Variants in PFAS observed in about 807,000 individuals in gnomAD.
PFAS encodes FGAM synthase.
Under a neutral mutation model 140.6 loss-of-function variants are expected in PFAS, and 97 were observed. That is an observed-to-expected ratio of 0.69 (90% CI 0.59 to 0.82). The LOEUF (loss-of-function observed/expected upper bound fraction) is 0.82. Ranked by LOEUF, PFAS falls within the 40% of genes least tolerant of loss-of-function variation. The pLI is 0.00. For synonymous variants in PFAS, 679 were observed against 718.8 expected (o/e 0.94, Z 0.88); for missense variants, 1,656 against 1,780.2 (o/e 0.93, Z 1.26).
rs1273246324 is a variant in PFAS at position 8,253,891 on chromosome 17, T to C, written c.-47T>C. ...ATTCATCTCTCCAGCAAAGGACACA[T>C]CTCTCCAGCAAAGGACACCTCTCTC... On this transcript the variant is annotated 5_prime_UTR_variant, in exon 2 of 28. Transcript: ENST00000314666. The C allele has an allele frequency of 1.3e-6, 2 of 1,575,208 alleles. No homozygotes were observed. Among genetic ancestry groups the C allele is most frequent in the Non-Finnish European group, 1.7e-6 (2 of 1,158,504 alleles).
chr17:8,264,715 C>T, intron 17 of PFAS, 114 bp downstream of exon 17: 1 of 1,226,078 alleles, frequency 8.2e-7, no homozygotes, highest in Non-Finnish European at 1.1e-6. Flanking sequence ...CAGGAAGCAG[C>T]AGGGGCAGGG....
Position 8,263,887 on chromosome 17 carries a change from G to A in PFAS, c.1742G>A (p.Arg581His), listed in dbSNP as rs763921730. ...NRDFLTHVSARERCPACFVGT... is the reference protein window; with the variant it reads ...NRDFLTHVSAHERCPACFVGT... ...GACTTCCTGACTCATGTCAGTGCCCGTGAACGTTGCCCGGCTTGCTTCGTG... is the reference window on the plus strand; with the variant it reads ...GACTTCCTGACTCATGTCAGTGCCCATGAACGTTGCCCGGCTTGCTTCGTG... Residue 581 changes from arginine (R) to histidine (H), a missense_variant, in exon 15 of 28, where the codon CGT (arginine) becomes CAT (histidine). Physicochemically the swap from Arg to His is conservative, Grantham distance 29. This residue lies in a region of PFAS where 773 missense variants were observed against 757.3 expected (regional missense o/e 1.02). Transcript: ENST00000314666. 14 of 1,614,048 alleles carry A rather than the reference G, an allele frequency of 8.7e-6. No homozygotes were observed. Among genetic ancestry groups the A allele is most frequent in the Non-Finnish European group, 1.1e-5 (13 of 1,180,002 alleles).
intron 11 of PFAS, 148 bp downstream of exon 11, chr17:8,258,347 C>A: frequency 1.1e-6 from 1 of 886,238 alleles, no homozygotes; most frequent in Non-Finnish European, 1.7e-6. Context: ...ACAACTCATT[C>A]TGAGAAATGT....
Position 8,249,311 on chromosome 17 carries a change from T to C in PFAS, c.-108T>C, listed in dbSNP as rs982120254. On this transcript the variant is annotated 5_prime_UTR_variant, in exon 1 of 28. Transcript: ENST00000314666. ...AACAAACGCGCGCGACGATTCGAGG[T>C]GCTCTGTGGCCGCGAGTGCATCTTC... The C allele has an allele frequency of 6.6e-6, 1 of 152,092 alleles. No individual in the cohort carries two copies. The highest frequency in any genetic ancestry group is 2.4e-5 in the African/African-American group (1 of 41,404). 9.4% of individuals were successfully genotyped at this position (152,092 alleles called of 1,614,324 possible).
rs201596906 is a variant in PFAS, at chr17:8,256,515, T to C, written c.822-9T>C. 1.7e-4 allele frequency: 276 copies of C among 1,614,118 alleles called. 1 individual carries two copies. In the African/African-American group the frequency reaches 3.2e-3, roughly 19 times the overall value. ...AAGGAAGCAAGGTCCATGACGGGTATGTCCACAGTGCAATCCAGGGAAAGG... is the reference window on the plus strand; with the variant it reads ...AAGGAAGCAAGGTCCATGACGGGTACGTCCACAGTGCAATCCAGGGAAAGG... On this transcript the variant is annotated splice_polypyrimidine_tract_variant and intron_variant, in intron 7 of 27. Transcript: ENST00000314666.
At chr17:8,265,156 C>A (rs544254771) in intron 18 of PFAS, 31 bp downstream of exon 18, 3 of 1,581,772 alleles carry the variant, frequency 1.9e-6, no homozygotes, top group South Asian at 2.2e-5. Flanking sequence ...TATCCTGGAG[C>A]CCCCGGGCTT....
intron 1 of PFAS, 115 bp downstream of exon 1, chr17:8,249,454 C>T (rs553691315): frequency 6.6e-6 from 1 of 152,406 alleles, no homozygotes; most frequent in Admixed American, 6.5e-5. Flanking sequence ...GCTGTGTCTA[C>T]TTGGTGCCCG....
In PFAS at chr17:8,263,496, C is replaced by A. The variant is rs1597425738; in HGVS notation, c.1568-79C>A. On this transcript the variant is annotated intron_variant, in intron 13 of 27. Coordinates refer to ENST00000314666, the MANE Select transcript of PFAS (RefSeq NM_012393.3). ...ACACAGGAACACACCAAATTACAGG[C>A]CCCTTTGGAGGCCAGGGACTGCCCT... The A allele has an allele frequency of 3.2e-6, 4 of 1,252,880 alleles. No individual in the cohort carries two copies. The East Asian group carries it at 9.3e-5, about 29-fold the overall frequency. 77.6% of individuals were successfully genotyped at this position (1,252,880 alleles called of 1,614,324 possible). A position where few individuals can be genotyped will look rare whatever the true frequency, so the allele number is the denominator to read the frequency against.
upstream of PFAS, chr17:8,248,084 G>GTGGGGA (rs1323609431): frequency 3.7e-6 from 5 of 1,359,288 alleles, no homozygotes; most frequent in East Asian, 1.3e-4. Context: ...TCGCTTGGGG[G>GTGGGGA]TGGGGATGGG....
Position 8,263,113 on chromosome 17 carries a change from A to C in PFAS, c.1415A>C (p.Gln472Pro). The change falls in exon 13 of 28, where the codon CAG (glutamine) becomes CCG (proline). Residue 472 changes from glutamine (Q) to proline (P), a missense_variant. Physicochemically the swap from Gln to Pro is moderately conservative, Grantham distance 76. This residue lies in a region of PFAS where 773 missense variants were observed against 757.3 expected (regional missense o/e 1.02). Transcript: ENST00000314666. ...CTATGCCATATATGCCCCCAGGTGC[A>C]GGGAGATAACACCAGTGACCTGGAC... ...GGGAASSVQV[Q>P]GDNTSDLDFG... The C allele has an allele frequency of 1.2e-6, 2 of 1,613,950 alleles. No homozygotes were observed. Among genetic ancestry groups the C allele is most frequent in the Non-Finnish European group, 8.5e-7 (1 of 1,179,792 alleles).
In PFAS at chr17:8,266,622, C is replaced by T. The variant is rs145702810; in HGVS notation, c.2822-131C>T. ...TCCTGCCGTCCTAGCCCTCATCCTC[C>T]CTGATCCCTACCCTACTCTCTGGCT... On this transcript the variant is annotated intron_variant, in intron 22 of 27. Transcript: ENST00000314666. The surrounding 1 kb of genome is among the most constrained non-coding windows in gnomAD (Gnocchi z 5.0). 23 of 1,499,474 alleles carry T rather than the reference C, an allele frequency of 1.5e-5. No individual in the cohort carries two copies. Among genetic ancestry groups the T allele is most frequent in the Non-Finnish European group, 1.9e-5 (22 of 1,131,946 alleles). The allele number at this position is 1,499,474 out of a possible 1,614,324, so 92.9% of individuals were successfully genotyped here. A position where few individuals can be genotyped will look rare whatever the true frequency, so the allele number is the denominator to read the frequency against.
At chr17:8,254,914 A>G (rs979188445) in intron 3 of PFAS, 113 bp from the exon 4 acceptor site, 6 of 722,606 alleles carry the variant, frequency 8.3e-6, no homozygotes, top group East Asian at 7.7e-5. Context: ...CTGAAAGCCA[A>G]TGGTGAGGGG....
At position 8,265,301 on chromosome 17, in the gene PFAS, G is replaced by T. The variant is rs764033239; in HGVS notation, c.2294G>T (p.Ser765Ile). ...LVTDLRDVKC[S>I]GNWMWAAKLP... ...TGCCACCCCCAGGATGTGAAGTGTA[G>T]CGGGAACTGGATGTGGGCAGCCAAG... Residue 765 changes from serine to isoleucine, a missense_variant, in exon 19 of 28, where the codon AGC becomes ATC. Physicochemically the swap from Ser to Ile is moderately radical, Grantham distance 142. Coordinates refer to ENST00000314666, the MANE Select transcript of PFAS (RefSeq NM_012393.3). 1 of 1,613,854 alleles carries T rather than the reference G, an allele frequency of 6.2e-7. No individual in the cohort carries two copies. The highest frequency in any genetic ancestry group is 8.5e-7 in the Non-Finnish European group (1 of 1,179,876).
At chr17:8,262,773 A>G (rs4792700) in intron 11 of PFAS, 147 bp from the exon 12 acceptor site, 529,878 of 656,770 alleles carry the variant, frequency 0.81, 215,416 homozygotes, top group Non-Finnish European at 0.83. Context: ...TTCAGCCTGG[A>G]CAACAGAGCG....
chr17:8,256,554 A>G lies in PFAS; in HGVS notation c.852A>G (p.Leu284=). The part of the protein sequence containing the change: ...SAIQGKEVRF[L]RPEDPTRPSR... ...TCCAGGGAAAGGAAGTCCGATTCCT[A>G]CGGCCTGAGGACCCCACACGGCCAA... is the stretch of plus-strand genomic sequence containing the variant. Residue 284 remains leucine, a synonymous_variant, in exon 8 of 28, where the codon CTA becomes CTG. Coordinates refer to ENST00000314666, the MANE Select transcript of PFAS (RefSeq NM_012393.3). 1 of 1,614,144 alleles carries G rather than the reference A, an allele frequency of 6.2e-7. No homozygotes were observed.
intron 26 of PFAS, among the ~76,000 whole-genome samples, chr17:8,268,049 A>AATATATATAT (rs373386097): frequency 7.4e-6 from 1 of 135,448 alleles, no homozygotes; most frequent in East Asian, 2.2e-4. Context: ...TATATTTTTA[A>AATATATATAT]ATATATATAT....
upstream of PFAS, chr17:8,247,939 G>T: frequency 1.3e-6 from 2 of 1,526,070 alleles, no homozygotes; most frequent in South Asian, 1.2e-5. Flanking sequence ...AGAGGAAATA[G>T]GAAGAGAAAG....
At chr17:8,250,416 G>A (rs1177432917) in intron 1 of PFAS, among the ~76,000 whole-genome samples, 1 of 152,200 alleles carries the variant, frequency 6.6e-6, no homozygotes, top group Non-Finnish European at 1.5e-5. Flanking sequence ...ATGAAGAGAT[G>A]AGAGATTTGA....
At chr17:8,257,488 G>A (rs1031985100) in intron 9 of PFAS, among the ~76,000 whole-genome samples, 35 of 152,142 alleles carry the variant, frequency 2.3e-4, no homozygotes, top group Non-Finnish European at 3.8e-4. Flanking sequence ...CCCGGGAGGC[G>A]GAGCTTTCAG....
Sources: gnomAD v4.1 joint callset for allele counts (sites outside exome capture counted in the v4.1 genomes callset) on GRCh38, gnomAD v4.1.1 for gene constraint, gnomAD v4.1.1 regional missense constraint, Gnocchi (gnomAD v3.1) non-coding constraint, MANE v1.5 for transcripts, NCBI Gene and HGNC (gene_info 2026-07-23, HGNC 2026-07-21) for gene names.